LCOR: variants seen among roughly 807,000 people sequenced by gnomAD.
LCOR encodes the protein ligand-dependent corepressor.
LCOR carries 14 observed loss-of-function variants against 64.4 expected under a neutral mutation model. The ratio of observed to expected loss-of-function variants is 0.22; its 90% CI spans 0.14 to 0.34. The LOEUF is 0.34. Among genes scored for constraint, LCOR ranks in the 10% least tolerant of loss-of-function variants. LCOR has a pLI of 1.00. For synonymous variants in LCOR, 643 were observed against 642.5 expected (o/e 1.00, Z -0.01); for missense variants, 1,686 against 1,765.3 (o/e 0.96, Z 0.80).
chr10:96,907,484 T>A (rs1846749181), intron 3 of LCOR, among the ~76,000 whole-genome samples, 154 bp downstream of exon 3: 1 of 152,182 alleles, frequency 6.6e-6, no homozygotes, highest in South Asian at 2.1e-4. Flanking sequence ...ATATTGTTAA[T>A]ATATGTATGA....
chr10:96,947,049 G>C (rs943850530), intron 5 of LCOR, among the ~76,000 whole-genome samples: 1 of 151,976 alleles, frequency 6.6e-6, no homozygotes, highest in Non-Finnish European at 1.5e-5. Flanking sequence ...TAACTGGAAC[G>C]TTAAATGACT....
intron 7 of LCOR, among the ~76,000 whole-genome samples, chr10:96,953,452 G>T (rs1280333760): frequency 2.6e-5 from 4 of 152,174 alleles, no homozygotes; most frequent in African/African-American, 7.2e-5. Context: ...TAAGGAGGCT[G>T]AGGTGGGACG....
At chr10:96,978,461 A>G (rs754441448) in intron 7 of LCOR, among the ~76,000 whole-genome samples, 7 of 152,150 alleles carry the variant, frequency 4.6e-5, no homozygotes, top group Non-Finnish European at 8.8e-5. Context: ...TTTTGTCCCC[A>G]TCGCCAGTAT....
At chr10:96,912,607 T>TCTTCCTTCCTTTCTTCCTTCCTTCCTTC (rs375676129) in intron 4 of LCOR, among the ~76,000 whole-genome samples, 3 of 140,394 alleles carry the variant, frequency 2.1e-5, no homozygotes, top group East Asian at 2.1e-4. Flanking sequence ...TTTCTTCCTT[T>TCTTCCTTCCTTTCTTCCTTCCTTCCTTC]CTTCCTTCCT....
At chr10:96,897,747 T>G (rs1846564295) in intron 2 of LCOR, among the ~76,000 whole-genome samples, 1 of 152,218 alleles carries the variant, frequency 6.6e-6, no homozygotes, top group South Asian at 2.1e-4. Context: ...CAAAAAAAGT[T>G]TGCTGCTGTT....
intron 2 of LCOR, among the ~76,000 whole-genome samples, chr10:96,864,721 G>A (rs1845944064): frequency 6.6e-6 from 1 of 152,160 alleles, no homozygotes; most frequent in Admixed American, 6.5e-5. Context: ...TACCTTTTCT[G>A]TGTTTAGGTA....
intron 2 of LCOR, among the ~76,000 whole-genome samples, chr10:96,859,449 T>A (rs1845853287): frequency 6.6e-6 from 1 of 151,896 alleles, no homozygotes; most frequent in Non-Finnish European, 1.5e-5. Flanking sequence ...TGACCTCAGG[T>A]GATCCACTTG....
chr10:96,841,184 A>T (rs1338632649), intron 2 of LCOR, among the ~76,000 whole-genome samples: 2 of 152,154 alleles, frequency 1.3e-5, no homozygotes, highest in Non-Finnish European at 2.9e-5. Flanking sequence ...TACAGAGGTG[A>T]AGGGGATTAC....
At chr10:96,939,011 C>T (rs1847401433) in intron 4 of LCOR, among the ~76,000 whole-genome samples, 1 of 152,152 alleles carries the variant, frequency 6.6e-6, no homozygotes, top group Admixed American at 6.5e-5. Flanking sequence ...CAAGCTGGTC[C>T]TAAAATTCAT....
intron 7 of LCOR, among the ~76,000 whole-genome samples, chr10:96,972,950 T>G (rs530220956): frequency 6.7e-4 from 102 of 152,302 alleles, no homozygotes; most frequent in African/African-American, 2.4e-3. Context: ...CTTGAACAAA[T>G]ACCATGTTGC....
At chr10:96,944,477 A>T (rs1847552604) in intron 5 of LCOR, among the ~76,000 whole-genome samples, 1 of 152,134 alleles carries the variant, frequency 6.6e-6, no homozygotes, top group Non-Finnish European at 1.5e-5. Flanking sequence ...AGTTTAGAAA[A>T]TTATTAGGAA....
chr10:96,943,183 C>G (rs1847526679), intron 4 of LCOR, among the ~76,000 whole-genome samples: 1 of 152,168 alleles, frequency 6.6e-6, no homozygotes, highest in African/African-American at 2.4e-5. Flanking sequence ...GCAACCTCCA[C>G]CTCCTGGGTT....
At chr10:96,967,548 G>A (rs183064443) in intron 7 of LCOR, among the ~76,000 whole-genome samples, 3 of 152,172 alleles carry the variant, frequency 2.0e-5, no homozygotes, top group East Asian at 1.9e-4. Context: ...ATTTCAACTC[G>A]TGAGTTGAAA....
At position 96,836,093 on chromosome 10, in the gene LCOR, A is replaced by T. The variant is rs184449235; in HGVS notation, c.-330+2614A>T. ...CAGCTTAGCTCTAGCTTGGCTAAAA[A>T]TAGGACAGCAGATGAGTCTCTTTGA... On this transcript the variant is annotated intron_variant, in intron 2 of 7. Coordinates refer to ENST00000421806, the MANE Select transcript of LCOR (RefSeq NM_001346516.2). Among the ~76,000 whole-genome samples, 3 of 152,330 alleles carry T rather than the reference A, an allele frequency of 2.0e-5. No homozygotes were observed. The East Asian group carries it at 5.8e-4, about 29-fold the overall frequency.
At position 96,949,278 on chromosome 10, in the gene LCOR, C is replaced by A; in HGVS notation, c.221C>A (p.Ser74Ter). ...GACCTTACTGTCAGAAAGTCTCAGT[C>A]AGAACCTAGCGAACAAGGTATGGTT... ...PLDLTVRKSQ[S>*]EPSEQDGVLD... Residue 74 changes from serine (S) to a stop codon, truncating the protein, a stop_gained, in exon 6 of 8, where the codon TCA becomes TAA. Transcript: ENST00000421806. LOFTEE classifies it high-confidence loss of function. 6.2e-7 allele frequency: 1 copy of A among 1,613,880 alleles called. No homozygotes were observed. The highest frequency in any genetic ancestry group is 1.1e-5 in the South Asian group (1 of 91,000).
intron 2 of LCOR, among the ~76,000 whole-genome samples, chr10:96,906,072 A>G (rs2134451623): frequency 6.6e-6 from 1 of 152,210 alleles, no homozygotes; most frequent in Middle Eastern, 3.4e-3. Flanking sequence ...AGGGGGCCTT[A>G]TGTGTCCGGC....
chr10:96,860,865 AGAAAT>A (rs1181237712), intron 2 of LCOR, among the ~76,000 whole-genome samples: 1 of 152,258 alleles, frequency 6.6e-6, no homozygotes, highest in Non-Finnish European at 1.5e-5. Context: ...AACTAATAGA[AGAAAT>A]AAAGTGAAAC....
At chr10:96,834,154 T>G (rs1280945923) in intron 2 of LCOR, among the ~76,000 whole-genome samples, 1 of 152,196 alleles carries the variant, frequency 6.6e-6, no homozygotes, top group Non-Finnish European at 1.5e-5. Flanking sequence ...TACGAAAATG[T>G]ATAGCGTGAG....
chr10:96,852,069 A>C (rs1391579111), intron 2 of LCOR, among the ~76,000 whole-genome samples: 1 of 152,210 alleles, frequency 6.6e-6, no homozygotes, highest in African/African-American at 2.4e-5. Flanking sequence ...CTGATGCTTC[A>C]ATGTATACAA....
Sources: allele counts gnomAD v4.1 joint callset (sites outside exome capture counted in the v4.1 genomes callset), GRCh38; gene constraint gnomAD v4.1.1; transcripts MANE v1.5; gene names NCBI Gene and HGNC (gene_info 2026-07-23, HGNC 2026-07-21).